The following ATG7 variants were observed in gnomAD, a reference collection of about 807,000 sequenced individuals.
ATG7 encodes the protein ubiquitin-like modifier-activating enzyme ATG7.
In ATG7, 70 loss-of-function variants were observed where a neutral mutation model predicts 82.4. That is an observed-to-expected ratio of 0.85 (90% confidence interval 0.70 to 1.04). The LOEUF is 1.04. ATG7 is among the 50% of genes least tolerant of loss of function. The pLI is 0.00. For missense variants in ATG7, 792 were observed against 864.3 expected, an observed-to-expected ratio of 0.92 and a Z score of 1.05; for synonymous variants, 287 against 313.0, an observed-to-expected ratio of 0.92 and a Z score of 0.88.
At chr3:11,506,467 C>T (rs973477657) in intron 20 of ATG7, among the ~76,000 whole-genome samples, 2 of 145,772 alleles carry the variant, frequency 1.4e-5, no homozygotes, top group African/African-American at 5.1e-5. Flanking sequence ...TTATGCGTAT[C>T]AGCACTTTGG....
At chr3:11,513,936 AC>A (rs2092175434) in intron 20 of ATG7, among the ~76,000 whole-genome samples, 1 of 152,148 alleles carries the variant, frequency 6.6e-6, no homozygotes, top group Admixed American at 6.5e-5. Flanking sequence ...CTGTGTCACC[AC>A]TATGCAGTCT....
chr3:11,315,649 C>T (rs1375711151), intron 9 of ATG7, among the ~76,000 whole-genome samples, 156 bp downstream of exon 9: 1 of 152,218 alleles, frequency 6.6e-6, no homozygotes, highest in Admixed American at 6.5e-5. Context: ...CTCTCCCACC[C>T]CTACAGTTAT....
intron 20 of ATG7, among the ~76,000 whole-genome samples, chr3:11,448,188 C>T (rs902822161): frequency 2.0e-5 from 3 of 152,216 alleles, no homozygotes; most frequent in East Asian, 1.9e-4. Flanking sequence ...ATTAGCTGCA[C>T]AGTCTTCCTT....
intron 20 of ATG7, among the ~76,000 whole-genome samples, chr3:11,441,875 A>T (rs560014785): frequency 6.6e-6 from 1 of 151,700 alleles, no homozygotes; most frequent in Non-Finnish European, 1.5e-5. Context: ...CATGTTGGCC[A>T]AGCTGGTCTT....
Position 11,371,351 on chromosome 3 carries a change from G to A in ATG7, c.1875+6617G>A, listed in dbSNP as rs367915123. 5.4e-4 allele frequency among the ~76,000 whole-genome samples: 82 copies of A among 150,744 alleles called. 4 individuals are homozygous for A. The highest frequency in any genetic ancestry group is 2.0e-3 in the African/African-American group (81 of 40,566). On this transcript the variant is annotated intron_variant, in intron 18 of 20. Coordinates refer to ENST00000693202, the MANE Select transcript of ATG7 (RefSeq NM_001349232.2). ...AAGGGAAAGGCCAGTTTACCTGCGA[G>A]ACAGCGAGTAAAGGGGCACAGCGGA...
chr3:11,453,820 G>C (rs369652535), intron 20 of ATG7, among the ~76,000 whole-genome samples: 3 of 152,194 alleles, frequency 2.0e-5, no homozygotes, highest in Non-Finnish European at 2.9e-5. Flanking sequence ...TGCAAGGGGT[G>C]GGGGGGACAT....
chr3:11,375,467 C>T (rs1277458814), intron 18 of ATG7, among the ~76,000 whole-genome samples: 1 of 152,232 alleles, frequency 6.6e-6, no homozygotes, highest in East Asian at 1.9e-4. Flanking sequence ...CCATTTCATA[C>T]TCACTAGGAT....
intron 13 of ATG7, among the ~76,000 whole-genome samples, chr3:11,343,822 C>T (rs924995707): frequency 1.3e-5 from 2 of 152,088 alleles, no homozygotes; most frequent in African/African-American, 4.8e-5. Flanking sequence ...TCTATTTTGA[C>T]TCATTGATCT....
chr3:11,417,834 C>T (rs2081532938), intron 19 of ATG7, among the ~76,000 whole-genome samples: 1 of 114,856 alleles, frequency 8.7e-6, no homozygotes, highest in East Asian at 3.2e-4. Context: ...TTTTTTGAGA[C>T]AGAGTCTTGC....
chr3:11,367,764 T>G lies in ATG7; in HGVS notation c.1875+3030T>G, dbSNP rs1457526753. ...GCTTATGGGTTTGTTTTGGGTTTTTTTTTTTTTTTTTAAGTCTCTGGCCCA... is the reference window on the plus strand; with the variant it reads ...GCTTATGGGTTTGTTTTGGGTTTTTGTTTTTTTTTTTAAGTCTCTGGCCCA... On this transcript the variant is annotated intron_variant, in intron 18 of 20. Coordinates refer to ENST00000693202, the MANE Select transcript of ATG7 (RefSeq NM_001349232.2). Among the ~76,000 whole-genome samples, 9 of 151,900 alleles carry G rather than the reference T, an allele frequency of 5.9e-5. No homozygotes were observed. In the South Asian group the frequency reaches 1.0e-3, roughly 18 times the overall value.
intron 20 of ATG7, among the ~76,000 whole-genome samples, chr3:11,513,695 T>C (rs1238133404): frequency 6.6e-6 from 1 of 152,208 alleles, no homozygotes; most frequent in Non-Finnish European, 1.5e-5. Flanking sequence ...GCTCCCACAG[T>C]GCAGCAGTGG....
At chr3:11,535,551 C>G (rs747107163) in intron 20 of ATG7, among the ~76,000 whole-genome samples, 9 of 152,144 alleles carry the variant, frequency 5.9e-5, no homozygotes, top group Non-Finnish European at 1.0e-4. Context: ...CCTGGGGACT[C>G]TCAGGCCAGT....
chr3:11,466,182 A>C (rs1231191871), intron 20 of ATG7, among the ~76,000 whole-genome samples: 1 of 152,254 alleles, frequency 6.6e-6, no homozygotes, highest in East Asian at 1.9e-4. Context: ...TGCAGACATC[A>C]CAAGACTTGT....
At chr3:11,326,294 T>TTTTG (rs1553614006) in intron 9 of ATG7, among the ~76,000 whole-genome samples, 4,485 of 151,516 alleles carry the variant, frequency 0.03, 224 homozygotes, top group African/African-American at 0.1. Flanking sequence ...CTGTTTTTTT[T>TTTTG]TTGTTGTTGT....
chr3:11,472,429 G>T (rs952437223), intron 20 of ATG7, among the ~76,000 whole-genome samples: 2 of 152,128 alleles, frequency 1.3e-5, no homozygotes, highest in Non-Finnish European at 2.9e-5. Context: ...TGTCACTATG[G>T]TAGAGGAAGG....
intron 20 of ATG7, among the ~76,000 whole-genome samples, chr3:11,491,029 A>T (rs573634122): frequency 7.2e-5 from 11 of 152,240 alleles, no homozygotes; most frequent in African/African-American, 2.6e-4. Flanking sequence ...ACCTTGCTAG[A>T]TTGGGGAATT....
chr3:11,524,805 CA>C (rs199851494), intron 20 of ATG7, among the ~76,000 whole-genome samples: 5 of 149,956 alleles, frequency 3.3e-5, no homozygotes, highest in Non-Finnish European at 5.9e-5. Flanking sequence ...AAAACAAAAA[CA>C]AAAAAAAACA....
At chr3:11,436,152 C>T (rs1344565073) in intron 20 of ATG7, among the ~76,000 whole-genome samples, 1 of 152,120 alleles carries the variant, frequency 6.6e-6, no homozygotes, top group Non-Finnish European at 1.5e-5. Flanking sequence ...TAAAAATGGG[C>T]ATTAGATTTA....
chr3:11,345,180 C>T (rs536123294), intron 13 of ATG7, among the ~76,000 whole-genome samples: 13 of 151,910 alleles, frequency 8.6e-5, no homozygotes, highest in South Asian at 8.3e-4. Flanking sequence ...CCGAGGCGGG[C>T]GGATCATGAG....
Sources: allele counts gnomAD v4.1 joint callset (sites outside exome capture counted in the v4.1 genomes callset), GRCh38; gene constraint gnomAD v4.1.1; transcripts MANE v1.5; gene names NCBI Gene and HGNC (gene_info 2026-07-23, HGNC 2026-07-21).